The following STAB2 variants were observed in gnomAD, a reference collection of about 807,000 sequenced individuals.
STAB2 encodes stabilin-2.
STAB2 carries 288 observed loss-of-function variants against 338.1 expected under a neutral mutation model. The observed-to-expected ratio is 0.85, with a 90% CI of 0.77 to 0.94. The LOEUF is 0.94. Among genes scored for constraint, STAB2 ranks in the 40% least tolerant of loss-of-function variants. STAB2 has a pLI of 0.00. For missense variants in STAB2, 3,141 were observed against 3,210.1 expected, an observed-to-expected ratio of 0.98 and a Z score of 0.52; for synonymous variants, 1,202 against 1,193.3, an observed-to-expected ratio of 1.01 and a Z score of -0.15.
intron 58 of STAB2, among the ~76,000 whole-genome samples, chr12:103,747,651 G>C (rs918917506): frequency 6.6e-6 from 1 of 152,134 alleles, no homozygotes; most frequent in East Asian, 1.9e-4. Flanking sequence ...GGGAAATGTC[G>C]TCTTTTATTG....
rs1193930665 is a variant in STAB2, at chr12:103,674,098, G to A, written c.2552+11G>A. 1 of 1,603,784 alleles carries A rather than the reference G, an allele frequency of 6.2e-7. No individual in the cohort carries two copies. Among genetic ancestry groups the A allele is most frequent in the Non-Finnish European group, 8.5e-7 (1 of 1,172,168 alleles). On this transcript the variant is annotated intron_variant, in intron 23 of 68. Coordinates refer to ENST00000388887, the MANE Select transcript of STAB2 (RefSeq NM_017564.10). ...CAATGGGACAGCCAGGTAGGTCTGT[G>A]AGGGAATGGCCCTTAATGACGCTGA... is the stretch of plus-strand genomic sequence containing the variant.
chr12:103,653,184 C>T (rs1873873453), intron 12 of STAB2, among the ~76,000 whole-genome samples: 2 of 152,084 alleles, frequency 1.3e-5, no homozygotes, highest in Admixed American at 6.6e-5. Context: ...CCCACCCCAC[C>T]CCCACTTCTT....
chr12:103,766,432 T>C lies in STAB2; in HGVS notation c.*96T>C. 2 of 1,403,714 alleles carry C rather than the reference T, an allele frequency of 1.4e-6. No homozygotes were observed. The highest frequency in any genetic ancestry group is 1.9e-6 in the Non-Finnish European group (2 of 1,027,190). 87.0% of individuals were successfully genotyped at this position (1,403,714 alleles called of 1,614,324 possible). On this transcript the variant is annotated 3_prime_UTR_variant, in exon 69 of 69. Coordinates refer to ENST00000388887, the MANE Select transcript of STAB2 (RefSeq NM_017564.10). ...GTTGCCTTTTAGGAACGTAAAGTCC[T>C]TTAAGCACTCAGAAGCCATACCTCA...
chr12:103,757,010 T>G lies in STAB2; in HGVS notation c.6988-1160T>G, dbSNP rs796518044. 9.7e-3 allele frequency among the ~76,000 whole-genome samples: 1,333 copies of G among 137,538 alleles called. 25 individuals are homozygous for G. The highest frequency in any genetic ancestry group is 0.015 in the Non-Finnish European group (946 of 65,016). 90.2% of individuals were successfully genotyped at this position (137,538 alleles called of 152,430 possible). ...GAAGGAGGGAAAATATATATATATA[T>G]ATATATATATATATATATATAAAAT... On this transcript the variant is annotated intron_variant, in intron 63 of 68. Transcript: ENST00000388887.
intron 44 of STAB2, among the ~76,000 whole-genome samples, chr12:103,723,141 G>T (rs543049909): frequency 6.6e-6 from 1 of 152,304 alleles, no homozygotes; most frequent in East Asian, 1.9e-4. Context: ...TAAGATGAGA[G>T]GACAGTAATT....
At chr12:103,733,861 T>A (rs145046343) in intron 51 of STAB2, among the ~76,000 whole-genome samples, 2 of 148,908 alleles carry the variant, frequency 1.3e-5, no homozygotes, top group Non-Finnish European at 3.0e-5. Context: ...GAGAGCAGCA[T>A]GATCATATAG....
intron 5 of STAB2, among the ~76,000 whole-genome samples, chr12:103,623,845 C>T (rs372448779): frequency 9.1e-4 from 138 of 152,254 alleles, no homozygotes; most frequent in Non-Finnish European, 1.8e-3. Context: ...CCAGGCCAAG[C>T]GCTCGTCCTA....
intron 47 of STAB2, 22 bp downstream of exon 47, chr12:103,727,372 G>A: frequency 6.2e-7 from 1 of 1,613,638 alleles, no homozygotes. Flanking sequence ...ACTGTGGGCA[G>A]AAGGGGGAGG....
chr12:103,724,571 A>AG (rs1352862281), intron 44 of STAB2, among the ~76,000 whole-genome samples: 1 of 152,162 alleles, frequency 6.6e-6, no homozygotes, highest in African/African-American at 2.4e-5. Flanking sequence ...GGCTGGGACA[A>AG]TGTGTTCTAT....
intron 29 of STAB2, among the ~76,000 whole-genome samples, 158 bp from the exon 30 acceptor site, chr12:103,690,266 G>A (rs140329376): frequency 1.2e-3 from 184 of 152,328 alleles, no homozygotes; most frequent in African/African-American, 4.0e-3. Flanking sequence ...AAAGCACAGC[G>A]TGGTTGAGTA....
intron 67 of STAB2, among the ~76,000 whole-genome samples, chr12:103,762,723 G>A (rs1261206887): frequency 6.6e-6 from 1 of 152,198 alleles, no homozygotes; most frequent in Non-Finnish European, 1.5e-5. Flanking sequence ...TGTTTACCTT[G>A]GAGGATTCAC....
At chr12:103,705,536 CAGAG>C in intron 36 of STAB2, 92 bp from the exon 37 acceptor site, 3 of 954,012 alleles carry the variant, frequency 3.1e-6, no homozygotes, top group Non-Finnish European at 4.9e-6. Context: ...ACACTTTAGT[CAGAG>C]AGACAGCAAT....
chr12:103,676,187 G>A (rs1047452180), intron 24 of STAB2, among the ~76,000 whole-genome samples, 166 bp downstream of exon 24: 5 of 148,978 alleles, frequency 3.4e-5, no homozygotes, highest in Admixed American at 2.0e-4. Flanking sequence ...TCAGCCTCCC[G>A]AGTAGCTGGG....
At position 103,753,295 on chromosome 12, in the gene STAB2, C is replaced by T. The variant is rs376117465; in HGVS notation, c.6656C>T (p.Ala2219Val). 17 of 1,614,138 alleles carry T rather than the reference C, an allele frequency of 1.1e-5. No individual in the cohort carries two copies. Among genetic ancestry groups the T allele is most frequent in the Non-Finnish European group, 1.3e-5 (15 of 1,180,056 alleles). ...YKLTFDKARE[A>V]CANEAATMAT... The stretch of plus-strand genomic sequence containing the variant: ...CTGACCTTTGACAAAGCCAGAGAGG[C>T]CTGTGCCAACGAAGCTGCGACCATG... The change falls in exon 61 of 69, where the codon GCC becomes GTC. Residue 2219 changes from alanine to valine, a missense_variant. Physicochemically the swap from Ala to Val is moderately conservative, Grantham distance 64 (BLOSUM62 0). Coordinates refer to ENST00000388887, the MANE Select transcript of STAB2 (RefSeq NM_017564.10).
chr12:103,745,511 T>C (rs1247868018), intron 57 of STAB2, among the ~76,000 whole-genome samples: 1 of 152,220 alleles, frequency 6.6e-6, no homozygotes, highest in Non-Finnish European at 1.5e-5. Flanking sequence ...TCATCCTGTA[T>C]GATTATAGGA....
At position 103,699,245 on chromosome 12, in the gene STAB2, A is replaced by G. The variant is rs1190442439; in HGVS notation, c.3714+18A>G. Reference sequence around the variant, plus strand: ...ATGACCAGGTACGATCCTTTTATGTAAAACCCCAGCAATGCCACCGAGAAT... The same window carrying G: ...ATGACCAGGTACGATCCTTTTATGTGAAACCCCAGCAATGCCACCGAGAAT... On this transcript the variant is annotated intron_variant, in intron 34 of 68. Coordinates refer to ENST00000388887, the MANE Select transcript of STAB2 (RefSeq NM_017564.10). 2.5e-5 allele frequency: 40 copies of G among 1,593,268 alleles called. No individual in the cohort carries two copies. Among genetic ancestry groups the G allele is most frequent in the Non-Finnish European group, 3.3e-5 (38 of 1,166,070 alleles).
chr12:103,631,540 AG>A, intron 5 of STAB2, 57 bp from the exon 6 acceptor site: 1 of 1,523,900 alleles, frequency 6.6e-7, no homozygotes, highest in South Asian at 1.1e-5. Context: ...CTAGCTTTCC[AG>A]AATGTTTAGC....
chr12:103,703,305 G>T, intron 35 of STAB2, 29 bp downstream of exon 35: 1 of 1,603,352 alleles, frequency 6.2e-7, no homozygotes, highest in South Asian at 1.1e-5. Context: ...AGCCAGTGAT[G>T]GAACTAATGA....
Position 103,622,083 on chromosome 12 carries a change from C to T in STAB2, c.459C>T (p.Asp153=), listed in dbSNP as rs1957311144. 1.2e-6 allele frequency: 2 copies of T among 1,614,098 alleles called. No individual in the cohort carries two copies. Among genetic ancestry groups the T allele is most frequent in the Middle Eastern group, 1.6e-4 (1 of 6,084 alleles). ...CAGCCTGTGAAACCTGTGCTGACGA[C>T]AACTTATTTGGACCCAGCTGTTCAT... ...GGTACETCAD[D]NLFGPSCSSV... Residue 153 remains aspartate (D), a synonymous_variant, in exon 5 of 69, where the codon GAC becomes GAT. Transcript: ENST00000388887.
Sources: allele counts gnomAD v4.1 joint callset (sites outside exome capture counted in the v4.1 genomes callset), GRCh38; gene constraint gnomAD v4.1.1; transcripts MANE v1.5; gene names NCBI Gene and HGNC (gene_info 2026-07-23, HGNC 2026-07-21).